ZNF778: variants seen among roughly 807,000 people sequenced by gnomAD.
ZNF778 encodes zinc finger protein 778.
ZNF778 carries 37 observed loss-of-function variants against 23.9 expected under a neutral mutation model. The observed-to-expected ratio is 1.54, with a 90% confidence interval of 1.19 to 2.03. The LOEUF is 2.03. ZNF778 is among the 30% of genes most tolerant of loss of function. ZNF778 has a pLI of 0.00. For missense variants in ZNF778, 1,297 were observed against 934.4 expected, an observed-to-expected ratio of 1.39 and a Z score of -5.06; for synonymous variants, 483 against 343.9, an observed-to-expected ratio of 1.40 and a Z score of -4.48.
Position 89,232,517 on chromosome 16 carries a change from C to A in ZNF778, c.*3955C>A. The A allele has an allele frequency of 1.4e-6, 1 of 705,360 alleles. No individual in the cohort carries two copies. The highest frequency in any genetic ancestry group is 2.0e-6 in the Non-Finnish European group (1 of 503,274). The allele number at this position is 705,360 out of a possible 1,614,324, so 43.7% of individuals were successfully genotyped here. On this transcript the variant is annotated 3_prime_UTR_variant, in exon 7 of 7. Coordinates refer to ENST00000433976, the MANE Select transcript of ZNF778 (RefSeq NM_001201407.2). The stretch of plus-strand genomic sequence containing the variant: ...CAGATACCTGTATTTCTCTTCCTAA[C>A]TCTCAGAACGTGTTCTGTGTCACTT...
Position 89,235,066 on chromosome 16 carries a change from TA to T in ZNF778, c.*6506del, listed in dbSNP as rs2032199378. On this transcript the variant is annotated 3_prime_UTR_variant, in exon 7 of 7. Transcript: ENST00000433976. ...TTTCTATGTTTTATCCCAAGTTGCTTAATCCATTTGGAGTTGATTTTTGTTG... is the reference window on the plus strand; with the variant it reads ...TTTCTATGTTTTATCCCAAGTTGCTTATCCATTTGGAGTTGATTTTTGTTG... 6.6e-6 allele frequency: 1 copy of T among 152,256 alleles called. No homozygotes were observed. Among genetic ancestry groups the T allele is most frequent in the Non-Finnish European group, 1.5e-5 (1 of 68,048 alleles). 9.4% of individuals were successfully genotyped at this position (152,256 alleles called of 1,614,324 possible). A position where few individuals can be genotyped will look rare whatever the true frequency, so the allele number is the denominator to read the frequency against.
Position 89,225,584 on chromosome 16 carries a change from C to G in ZNF778, c.358C>G (p.Leu120Val), listed in dbSNP as rs1325827839. The change falls in exon 6 of 7, where the codon CTT becomes GTT. Residue 120 changes from leucine to valine, a missense_variant. By Grantham distance (32) the Leu-to-Val change is conservative (BLOSUM62 1). Coordinates refer to ENST00000433976, the MANE Select transcript of ZNF778 (RefSeq NM_001201407.2). ...GCGACTTAAAACCAAAGGGCCAGCA[C>G]TTCGGCAGGATAGATCTTGGTTCAG... ...EWRLKTKGPALRQDRSWFRAS... is the reference protein window; with the variant it reads ...EWRLKTKGPAVRQDRSWFRAS... The G allele has an allele frequency of 1.2e-6, 2 of 1,612,096 alleles. No individual in the cohort carries two copies. Among genetic ancestry groups the G allele is most frequent in the South Asian group, 1.1e-5 (1 of 91,018 alleles).
At position 89,233,623 on chromosome 16, in the gene ZNF778, AC is replaced by A. The variant is rs1476290248; in HGVS notation, c.*5062del. On this transcript the variant is annotated 3_prime_UTR_variant, in exon 7 of 7. Coordinates refer to ENST00000433976, the MANE Select transcript of ZNF778 (RefSeq NM_001201407.2). ...TCATACTGCATATGCAACTCAACTC[AC>A]ACTGTATGCAACTCAGCTCGCTCTG... The A allele has an allele frequency of 9.8e-7, 1 of 1,024,608 alleles. No homozygotes were observed. The highest frequency in any genetic ancestry group is 1.7e-5 in the African/African-American group (1 of 57,878). The allele number at this position is 1,024,608 out of a possible 1,614,324, so 63.5% of individuals were successfully genotyped here. A position where few individuals can be genotyped will look rare whatever the true frequency, so the allele number is the denominator to read the frequency against.
chr16:89,226,695 C>A lies in ZNF778; in HGVS notation c.407C>A (p.Ala136Glu), dbSNP rs1232743259. Residue 136 changes from alanine (A) to glutamate (E), a missense_variant and splice_region_variant, in exon 7 of 7, where the codon GCA becomes GAA. Transcript: ENST00000433976. ...CCACCACTCATTCTTCACCAACAGG[C>A]AAGAAGCCACAATGGAGGGCAGCTC... The part of the protein sequence containing the change: ...WFRASNETQT[A>E]RSHNGGQLCD... 6.2e-7 allele frequency: 1 copy of A among 1,606,176 alleles called. No homozygotes were observed. Among genetic ancestry groups the A allele is most frequent in the South Asian group, 1.1e-5 (1 of 90,292 alleles).
Position 89,234,109 on chromosome 16 carries a change from T to A in ZNF778, c.*5547T>A. 1 of 506,822 alleles carries A rather than the reference T, an allele frequency of 2.0e-6. No individual in the cohort carries two copies. The allele number at this position is 506,822 out of a possible 1,614,324, so 31.4% of individuals were successfully genotyped here. The stretch of plus-strand genomic sequence containing the variant: ...CTGCCTGGAGTGATGTGCCGCCTTC[T>A]CTTGACACTGTGAGTGATAAACTTT... On this transcript the variant is annotated 3_prime_UTR_variant, in exon 7 of 7. Transcript: ENST00000433976.
chr16:89,225,383 A>G, intron 5 of ZNF778, among the ~76,000 whole-genome samples, 172 bp from the exon 6 acceptor site: 1 of 151,916 alleles, frequency 6.6e-6, no homozygotes, highest in South Asian at 2.1e-4. Flanking sequence ...TATGGACCAA[A>G]TGTATTTTAA....
intron 1 of ZNF778, among the ~76,000 whole-genome samples, chr16:89,218,601 C>G (rs1208527938): frequency 6.7e-6 from 1 of 148,548 alleles, no homozygotes; most frequent in Non-Finnish European, 1.5e-5. Context: ...ACCATCCTGG[C>G]TAACACGGTG....
chr16:89,221,079 C>CCTTGG lies in ZNF778; in HGVS notation c.-45_-41dup. ...AGATTCACAAGCTGCCCTGCAGTGG[C>CCTTGG]CTTGGCTTCAGGAAAGGAGCATTCA... On this transcript the variant is annotated 5_prime_UTR_variant, in exon 2 of 7. Coordinates refer to ENST00000433976, the MANE Select transcript of ZNF778 (RefSeq NM_001201407.2). 1 of 1,556,440 alleles carries CCTTGG rather than the reference C, an allele frequency of 6.4e-7. No homozygotes were observed. The highest frequency in any genetic ancestry group is 1.7e-4 in the Middle Eastern group (1 of 5,942).
intron 1 of ZNF778, among the ~76,000 whole-genome samples, 174 bp downstream of exon 1, chr16:89,218,084 G>C (rs1052496031): frequency 2.6e-5 from 4 of 152,238 alleles, no homozygotes; most frequent in African/African-American, 9.6e-5. Flanking sequence ...TAGCCCGTGG[G>C]GGCCAGCGGG....
chr16:89,232,513 C>G lies in ZNF778; in HGVS notation c.*3951C>G, dbSNP rs1312058727. 5.5e-5 allele frequency: 38 copies of G among 684,976 alleles called. No individual in the cohort carries two copies. Among genetic ancestry groups the G allele is most frequent in the Non-Finnish European group, 7.6e-5 (37 of 485,018 alleles). The allele number at this position is 684,976 out of a possible 1,614,324, so 42.4% of individuals were successfully genotyped here. ...TAGGCAGATACCTGTATTTCTCTTC[C>G]TAACTCTCAGAACGTGTTCTGTGTC... On this transcript the variant is annotated 3_prime_UTR_variant, in exon 7 of 7. Transcript: ENST00000433976.
Position 89,228,229 on chromosome 16 carries a change from T to A in ZNF778, c.1941T>A (p.Cys647Ter), listed in dbSNP as rs1376063253. The A allele has an allele frequency of 1.2e-6, 2 of 1,613,928 alleles. No homozygotes were observed. Among genetic ancestry groups the A allele is most frequent in the African/African-American group, 2.7e-5 (2 of 74,922 alleles). Residue 647 changes from cysteine (C) to a stop codon, truncating the protein, a stop_gained, in exon 7 of 7, where the codon TGT becomes TGA. Coordinates refer to ENST00000433976, the MANE Select transcript of ZNF778 (RefSeq NM_001201407.2). LOFTEE classifies it low-confidence loss of function (END_TRUNC). ...RTHTGEKPYI[C>*]KECGKAFASS... ...ACACCGGTGAGAAACCCTACATATG[T>A]AAGGAGTGTGGGAAAGCCTTTGCTT...
chr16:89,220,959 A>G, intron 1 of ZNF778, 38 bp from the exon 2 acceptor site: 2 of 680,764 alleles, frequency 2.9e-6, no homozygotes, highest in South Asian at 1.8e-5. Flanking sequence ...GTGAGGTTTG[A>G]TAACTGGGAA....
At chr16:89,225,525 C>T (rs375238035) in intron 5 of ZNF778, 30 bp from the exon 6 acceptor site, 37 of 1,496,090 alleles carry the variant, frequency 2.5e-5, no homozygotes, top group African/African-American at 7.5e-5. Context: ...TGAGTTTGAT[C>T]GTTTTTAGGT....
Position 89,234,036 on chromosome 16 carries a change from T to A in ZNF778, c.*5474T>A. ...AAAACCCTGTGGCCTCTGCCTCCCC[T>A]GGCTCTGACTTCTGCCTCCTGCCCA... is the stretch of plus-strand genomic sequence containing the variant. On this transcript the variant is annotated 3_prime_UTR_variant, in exon 7 of 7. Coordinates refer to ENST00000433976, the MANE Select transcript of ZNF778 (RefSeq NM_001201407.2). 3 of 952,930 alleles carry A rather than the reference T, an allele frequency of 3.1e-6. No individual in the cohort carries two copies. The highest frequency in any genetic ancestry group is 2.9e-6 in the Non-Finnish European group (2 of 681,372). 59.0% of individuals were successfully genotyped at this position (952,930 alleles called of 1,614,324 possible). A position where few individuals can be genotyped will look rare whatever the true frequency, so the allele number is the denominator to read the frequency against.
At chr16:89,225,488 C>G (rs893905660) in intron 5 of ZNF778, 67 bp from the exon 6 acceptor site, 17 of 1,285,488 alleles carry the variant, frequency 1.3e-5, no homozygotes, top group Non-Finnish European at 1.9e-5. Context: ...TTTTTTCTGC[C>G]ATGTCTTATA....
intron 1 of ZNF778, among the ~76,000 whole-genome samples, chr16:89,219,747 C>G (rs749193871): frequency 1.3e-5 from 2 of 152,282 alleles, no homozygotes; most frequent in South Asian, 2.1e-4. Flanking sequence ...CTGATCCACA[C>G]TTGGCACTGG....
In ZNF778 at chr16:89,225,683, G is replaced by C. The variant is rs1371768349; in HGVS notation, c.405+52G>C. ...ATTTATCACACTCATAAAAGATTGG[G>C]AATTCCACTATAGAAAATGAGCAAA... On this transcript the variant is annotated intron_variant, in intron 6 of 6. Transcript: ENST00000433976. 27 of 1,498,784 alleles carry C rather than the reference G, an allele frequency of 1.8e-5. No homozygotes were observed. In the Admixed American group the frequency reaches 4.9e-4, roughly 27 times the overall value. 92.8% of individuals were successfully genotyped at this position (1,498,784 alleles called of 1,614,324 possible).
Position 89,223,219 on chromosome 16 carries a change from C to G in ZNF778, c.180C>G (p.Asp60Glu), listed in dbSNP as rs755373982. ...DFTQEEWTLL[D>E]PSQRDLYRDV... ...CCCAGGAGGAATGGACTTTACTGGA[C>G]CCATCTCAGAGAGACCTCTACAGAG... is the stretch of plus-strand genomic sequence containing the variant. The change falls in exon 4 of 7, where the codon GAC becomes GAG. Residue 60 changes from aspartate to glutamate, a missense_variant. Transcript: ENST00000433976. The G allele has an allele frequency of 1.9e-6, 3 of 1,614,026 alleles. No homozygotes were observed. Among genetic ancestry groups the G allele is most frequent in the South Asian group, 2.2e-5 (2 of 91,066 alleles).
rs751452589 is a variant in ZNF778, at chr16:89,228,348, A to G, written c.2060A>G (p.His687Arg). ...GGGAAAGCCTTCCGTGCCTCCTCTCACCTGCATAAACATGGAAGAATTCAC... is the reference window on the plus strand; with the variant it reads ...GGGAAAGCCTTCCGTGCCTCCTCTCGCCTGCATAAACATGGAAGAATTCAC... ...ECGKAFRASS[H>R]LHKHGRIHTG... is the part of the protein sequence containing the mutation. Residue 687 changes from histidine to arginine, a missense_variant, in exon 7 of 7, where the codon CAC becomes CGC. Physicochemically the swap from His to Arg is conservative, Grantham distance 29 (BLOSUM62 0). Coordinates refer to ENST00000433976, the MANE Select transcript of ZNF778 (RefSeq NM_001201407.2). 2.5e-6 allele frequency: 4 copies of G among 1,613,676 alleles called. No homozygotes were observed. Among genetic ancestry groups the G allele is most frequent in the Non-Finnish European group, 3.4e-6 (4 of 1,179,720 alleles).
Sources: allele counts gnomAD v4.1 joint callset (sites outside exome capture counted in the v4.1 genomes callset), GRCh38; gene constraint gnomAD v4.1.1; transcripts MANE v1.5; gene names NCBI Gene and HGNC (gene_info 2026-07-23, HGNC 2026-07-21).